The following NELL1 variants were observed in gnomAD, a reference collection of about 807,000 sequenced individuals.
The protein encoded by NELL1 is protein kinase C-binding protein NELL1.
Under a neutral mutation model 107.4 loss-of-function variants are expected in NELL1, and 76 were observed. The ratio of observed to expected loss-of-function variants is 0.71; its 90% confidence interval spans 0.59 to 0.86. NELL1 has a LOEUF of 0.86. NELL1 is among the 40% of genes least tolerant of loss of function. The pLI is 0.00. For synonymous variants in NELL1, 353 were observed against 341.2 expected, an observed-to-expected ratio of 1.03 and a Z score of -0.38; for missense variants, 1,024 against 1,005.5, an observed-to-expected ratio of 1.02 and a Z score of -0.25.
chr11:20,905,179 A>G (rs565876611), intron 5 of NELL1, among the ~76,000 whole-genome samples: 1 of 152,172 alleles, frequency 6.6e-6, no homozygotes, highest in African/African-American at 2.4e-5. Context: ...CAGAGATTTC[A>G]GTTACTACAC....
intron 16 of NELL1, among the ~76,000 whole-genome samples, chr11:21,559,742 A>G (rs1856805912): frequency 6.6e-6 from 1 of 152,094 alleles, no homozygotes; most frequent in Non-Finnish European, 1.5e-5. Context: ...ATACATTCAC[A>G]TCTTTTCTAA....
intron 2 of NELL1, among the ~76,000 whole-genome samples, chr11:20,688,497 G>C (rs1427902676): frequency 6.6e-6 from 1 of 152,034 alleles, no homozygotes; most frequent in Non-Finnish European, 1.5e-5. Context: ...TTCTGTTTCT[G>C]CATTAATTTG....
At chr11:21,136,255 G>T (rs780191541) in intron 13 of NELL1, among the ~76,000 whole-genome samples, 4 of 151,354 alleles carry the variant, frequency 2.6e-5, no homozygotes, top group African/African-American at 4.9e-5. Context: ...TGGTATGTGT[G>T]AGGAAAAGAC....
At chr11:21,312,571 A>T (rs1849772612) in intron 14 of NELL1, among the ~76,000 whole-genome samples, 1 of 152,086 alleles carries the variant, frequency 6.6e-6, no homozygotes, top group Non-Finnish European at 1.5e-5. Flanking sequence ...TCTTTGAGGG[A>T]GGTATGAGTA....
rs894709081 is a variant in NELL1, at chr11:21,397,746, C to T, written c.1645+26798C>T. On this transcript the variant is annotated intron_variant, in intron 15 of 19. Coordinates refer to ENST00000357134, the MANE Select transcript of NELL1 (RefSeq NM_006157.5). ...AATTTTCACCCTCAAAGGGATAGTACTAGAAGATAAGGCCTCTGGGAAGTG... is the reference window on the plus strand; with the variant it reads ...AATTTTCACCCTCAAAGGGATAGTATTAGAAGATAAGGCCTCTGGGAAGTG... Among the ~76,000 whole-genome samples, 3 of 151,518 alleles carry T rather than the reference C, an allele frequency of 2.0e-5. No individual in the cohort carries two copies. The East Asian group carries it at 5.9e-4, about 30-fold the overall frequency.
Position 20,669,766 on chromosome 11 carries a change from A to G in NELL1, c.43A>G (p.Thr15Ala). The change falls in exon 1 of 20, where the codon ACT becomes GCT. Residue 15 changes from threonine (T) to alanine (A), a missense_variant. Coordinates refer to ENST00000357134, the MANE Select transcript of NELL1 (RefSeq NM_006157.5). This position sits in a 1 kb window ranked among gnomAD's most constrained non-coding sequence, Gnocchi z 4.4. Reference sequence around the variant, plus strand: ...TTTAGTTGTGTGGTTCTGTGTGTGCACTGCCAGGACAGGTAAGCATGACTG... The same window carrying G: ...TTTAGTTGTGTGGTTCTGTGTGTGCGCTGCCAGGACAGGTAAGCATGACTG... ...LILVVWFCVC[T>A]ARTVVGFGMD... 6.2e-7 allele frequency: 1 copy of G among 1,613,548 alleles called. No individual in the cohort carries two copies.
chr11:21,088,217 T>C (rs899817055), intron 12 of NELL1, among the ~76,000 whole-genome samples: 3 of 152,104 alleles, frequency 2.0e-5, no homozygotes, highest in Non-Finnish European at 4.4e-5. Flanking sequence ...ACATAGAGAA[T>C]GTGCTTCAAA....
intron 2 of NELL1, among the ~76,000 whole-genome samples, chr11:20,740,053 T>C (rs1590249165): frequency 6.6e-6 from 1 of 152,334 alleles, no homozygotes; most frequent in East Asian, 1.9e-4. Flanking sequence ...ACAAATAATC[T>C]CTGTTCTGGT....
intron 13 of NELL1, among the ~76,000 whole-genome samples, chr11:21,137,669 G>A (rs1029078271): frequency 1.3e-5 from 2 of 152,204 alleles, no homozygotes; most frequent in South Asian, 4.1e-4. Context: ...ATACTTGAAG[G>A]CTAGATGGGA....
intron 15 of NELL1, among the ~76,000 whole-genome samples, chr11:21,514,643 T>C (rs1156509785): frequency 2.1e-5 from 3 of 143,526 alleles, no homozygotes; most frequent in African/African-American, 7.4e-5. Flanking sequence ...TGATTCAATA[T>C]TTAAATATAG....
chr11:20,908,797 T>C (rs1850062193), intron 5 of NELL1, among the ~76,000 whole-genome samples: 1 of 152,200 alleles, frequency 6.6e-6, no homozygotes, highest in South Asian at 2.1e-4. Context: ...AACACAGAAT[T>C]ACATGTAATC....
chr11:21,266,549 A>G (rs2133929270), intron 14 of NELL1, among the ~76,000 whole-genome samples: 1 of 152,030 alleles, frequency 6.6e-6, no homozygotes, highest in African/African-American at 2.4e-5. Flanking sequence ...TTGACCCTTT[A>G]TCCTTTGAAT....
At chr11:20,813,192 T>C (rs1381655305) in intron 3 of NELL1, among the ~76,000 whole-genome samples, 2 of 152,174 alleles carry the variant, frequency 1.3e-5, no homozygotes, top group African/African-American at 2.4e-5. Flanking sequence ...CTTATGACCA[T>C]GGGTGACCAT....
intron 14 of NELL1, among the ~76,000 whole-genome samples, chr11:21,274,611 A>G (rs554043940): frequency 6.6e-6 from 1 of 152,302 alleles, no homozygotes; most frequent in East Asian, 1.9e-4. Context: ...TCTCAACACC[A>G]CATTGCACTT....
Position 21,014,876 on chromosome 11 carries a change from A to G in NELL1, c.1300+54316A>G, listed in dbSNP as rs192969614. Among the ~76,000 whole-genome samples the G allele has an allele frequency of 1.2e-3, 189 of 152,282 alleles. 1 individual carries two copies. The highest frequency in any genetic ancestry group is 4.4e-3 in the African/African-American group (183 of 41,580). ...CTGCCCTTGTTGTGGTTATTTCATT[A>G]TGATGAACCTCTTAAAGTACTTCTG... On this transcript the variant is annotated intron_variant, in intron 12 of 19. Transcript: ENST00000357134.
intron 13 of NELL1, among the ~76,000 whole-genome samples, chr11:21,173,040 T>C (rs1856639656): frequency 6.6e-6 from 1 of 151,814 alleles, no homozygotes; most frequent in South Asian, 2.1e-4. Context: ...TATTAATATA[T>C]TGAATTCACT....
At chr11:20,797,246 G>A (rs1857187177) in intron 3 of NELL1, among the ~76,000 whole-genome samples, 1 of 152,124 alleles carries the variant, frequency 6.6e-6, no homozygotes, top group African/African-American at 2.4e-5. Context: ...ATGGCATGGA[G>A]GGGGCAAAAT....
intron 14 of NELL1, among the ~76,000 whole-genome samples, chr11:21,354,406 A>G (rs1233075959): frequency 1.3e-5 from 2 of 152,200 alleles, no homozygotes; most frequent in South Asian, 4.1e-4. Context: ...ACTTCAAACC[A>G]GGTTTCTCTC....
chr11:21,212,161 A>G (rs971490557), intron 13 of NELL1, among the ~76,000 whole-genome samples: 3 of 152,108 alleles, frequency 2.0e-5, no homozygotes, highest in African/African-American at 7.2e-5. Flanking sequence ...CCCTGGTTTG[A>G]ATCTACCATC....
Sources: gnomAD v4.1 joint callset for allele counts (sites outside exome capture counted in the v4.1 genomes callset) on GRCh38, gnomAD v4.1.1 for gene constraint, Gnocchi (gnomAD v3.1) non-coding constraint, MANE v1.5 for transcripts, NCBI Gene and HGNC (gene_info 2026-07-23, HGNC 2026-07-21) for gene names.